The following DNM1L variants were observed in gnomAD, a reference collection of about 807,000 sequenced individuals.
The protein encoded by DNM1L is dynamin-1-like protein.
Under a neutral mutation model 92.8 loss-of-function variants are expected in DNM1L, and 33 were observed. The ratio of observed to expected loss-of-function variants is 0.36; its 90% confidence interval spans 0.27 to 0.48. The LOEUF (loss-of-function observed/expected upper bound fraction) is 0.48. Among genes scored for constraint, DNM1L ranks in the 20% least tolerant of loss-of-function variants. The pLI is 0.99. For synonymous variants in DNM1L, 284 were observed against 305.0 expected (o/e 0.93, Z 0.72); for missense variants, 485 against 888.8 (o/e 0.55, Z 5.78).
intron 1 of DNM1L, among the ~76,000 whole-genome samples, chr12:32,682,342 G>A (rs749472883): frequency 3.3e-5 from 5 of 152,114 alleles, no homozygotes; most frequent in Non-Finnish European, 7.3e-5. Context: ...ATGTTGGTCA[G>A]GCTGGTATCC....
At chr12:32,691,030 A>G (rs1440855287) in intron 1 of DNM1L, among the ~76,000 whole-genome samples, 1 of 152,190 alleles carries the variant, frequency 6.6e-6, no homozygotes, top group Non-Finnish European at 1.5e-5. Context: ...AATGTCACAG[A>G]CTGGGTAGCT....
chr12:32,679,348 C>T lies in DNM1L; in HGVS notation c.-16C>T, dbSNP rs374067166. Reference sequence around the variant, plus strand: ...GCCGTGGCCGGCGGGCACTGGGGCCCCGTGTTTTCAGAGTCATGGAGGCGC... The same window carrying T: ...GCCGTGGCCGGCGGGCACTGGGGCCTCGTGTTTTCAGAGTCATGGAGGCGC... On this transcript the variant is annotated 5_prime_UTR_variant, in exon 1 of 20. Coordinates refer to ENST00000549701, the MANE Select transcript of DNM1L (RefSeq NM_012062.5). 17 of 1,603,538 alleles carry T rather than the reference C, an allele frequency of 1.1e-5. No homozygotes were observed. The highest frequency in any genetic ancestry group is 1.5e-5 in the Non-Finnish European group (17 of 1,171,834).
intron 2 of DNM1L, chr12:32,706,869 T>TGACACA: frequency 3.0e-6 from 1 of 338,560 alleles, no homozygotes. Flanking sequence ...GCTGTTTCAT[T>TGACACA]GACACATTGT....
intron 1 of DNM1L, chr12:32,692,965 T>C (rs1952290250): frequency 6.6e-6 from 1 of 152,346 alleles, no homozygotes; most frequent in East Asian, 1.9e-4. Context: ...GAAATTTGTG[T>C]GTTCCCCAGT....
chr12:32,715,248 T>G (rs1433362251), intron 6 of DNM1L, among the ~76,000 whole-genome samples: 1 of 151,964 alleles, frequency 6.6e-6, no homozygotes, highest in African/African-American at 2.4e-5. Context: ...AGTGAGCCAC[T>G]GCACCTGGTT....
chr12:32,689,001 T>G (rs1952131020), intron 1 of DNM1L, among the ~76,000 whole-genome samples: 1 of 152,186 alleles, frequency 6.6e-6, no homozygotes, highest in Admixed American at 6.5e-5. Flanking sequence ...GGTTGAGGGC[T>G]GTAGTTCACT....
At chr12:32,739,151 T>C (rs183842308) in intron 16 of DNM1L, among the ~76,000 whole-genome samples, 1,533 of 148,262 alleles carry the variant, frequency 0.01, 32 homozygotes, top group African/African-American at 0.035. Flanking sequence ...ACTGACATAC[T>C]AAAGACAGAT....
intron 13 of DNM1L, among the ~76,000 whole-genome samples, chr12:32,734,467 C>T (rs1026664173): frequency 2.0e-5 from 3 of 152,158 alleles, no homozygotes; most frequent in African/African-American, 7.2e-5. Context: ...ACATGCAATT[C>T]AGAAGCTGGA....
At chr12:32,684,360 A>G (rs1951913712) in intron 1 of DNM1L, among the ~76,000 whole-genome samples, 1 of 152,238 alleles carries the variant, frequency 6.6e-6, no homozygotes, top group African/African-American at 2.4e-5. Flanking sequence ...ATCACTGGCA[A>G]CCACTAATCT....
intron 1 of DNM1L, among the ~76,000 whole-genome samples, chr12:32,699,001 T>C (rs61278210): frequency 0.15 from 23,286 of 151,562 alleles, 1,872 homozygotes; most frequent in Middle Eastern, 0.21. Context: ...GCCTGAATGG[T>C]AGAATGAGAC....
At position 32,745,009 on chromosome 12, in the gene DNM1L, T is replaced by A. The variant is rs759806637; in HGVS notation, c.*1599T>A. 1 of 516,514 alleles carries A rather than the reference T, an allele frequency of 1.9e-6. No individual in the cohort carries two copies. The highest frequency in any genetic ancestry group is 3.9e-6 in the Non-Finnish European group (1 of 259,342). 32.0% of individuals were successfully genotyped at this position (516,514 alleles called of 1,614,324 possible). A position where few individuals can be genotyped will look rare whatever the true frequency, so the allele number is the denominator to read the frequency against. On this transcript the variant is annotated 3_prime_UTR_variant, in exon 20 of 20. Transcript: ENST00000549701. ...ACTATTGGCAGGGAAAATATGAATA[T>A]GTTAACTTTAGCTTATGGCATCAAT...
chr12:32,745,272 A>T lies in DNM1L; in HGVS notation c.*1862A>T. On this transcript the variant is annotated 3_prime_UTR_variant, in exon 20 of 20. Coordinates refer to ENST00000549701, the MANE Select transcript of DNM1L (RefSeq NM_012062.5). ...TGACTATCATTATTCTAGTCCTTTG[A>T]ATTTGTAAGGGGAAAAAAAACAAAA... 1 of 220,878 alleles carries T rather than the reference A, an allele frequency of 4.5e-6. No homozygotes were observed. Among genetic ancestry groups the T allele is most frequent in the Non-Finnish European group, 9.0e-6 (1 of 111,134 alleles). 13.7% of individuals were successfully genotyped at this position (220,878 alleles called of 1,614,324 possible).
intron 9 of DNM1L, chr12:32,726,709 G>A: frequency 1.6e-6 from 1 of 640,628 alleles, no homozygotes; most frequent in Non-Finnish European, 2.8e-6. Context: ...ATTGTCCCAT[G>A]TCCCTAGTGT....
intron 9 of DNM1L, chr12:32,726,287 T>C (rs866049490): frequency 2.8e-6 from 3 of 1,077,982 alleles, no homozygotes; most frequent in South Asian, 2.6e-5. Flanking sequence ...TTACCCAGTC[T>C]ACCAAGAAAA....
chr12:32,695,704 T>G (rs1321248409), intron 1 of DNM1L, among the ~76,000 whole-genome samples: 1 of 151,968 alleles, frequency 6.6e-6, no homozygotes, highest in Admixed American at 6.6e-5. Context: ...CTGGGAAGGT[T>G]GAGGCTGCAG....
intron 2 of DNM1L, among the ~76,000 whole-genome samples, chr12:32,703,010 A>T (rs1182897989): frequency 6.6e-6 from 1 of 151,774 alleles, no homozygotes; most frequent in Non-Finnish European, 1.5e-5. Context: ...AACATCTGAA[A>T]CTAAGACCTT....
Position 32,679,379 on chromosome 12 carries a change from C to T in DNM1L, c.16C>T (p.Pro6Ser), listed in dbSNP as rs1198426789. 2.5e-6 allele frequency: 4 copies of T among 1,613,664 alleles called. No individual in the cohort carries two copies. The highest frequency in any genetic ancestry group is 3.4e-6 in the Non-Finnish European group (4 of 1,179,764). ...TTTCAGAGTCATGGAGGCGCTAATT[C>T]CTGTCATAAACAAGCTCCAGGACGT... Reference protein sequence around the residue: MEALIPVINKLQDVFN... With the variant: MEALISVINKLQDVFN... Residue 6 changes from proline (P) to serine (S), a missense_variant, in exon 1 of 20, where the codon CCT becomes TCT. Around this residue, in one of 11 missense-constraint regions of DNM1L, gnomAD observed 19 missense variants for 16.1 expected, o/e 1.18. Transcript: ENST00000549701.
chr12:32,713,168 T>C, intron 5 of DNM1L, 41 bp from the exon 6 acceptor site: 1 of 1,610,960 alleles, frequency 6.2e-7, no homozygotes, highest in Non-Finnish European at 8.5e-7. Flanking sequence ...GCTGAGTTGA[T>C]TTTTAATTAT....
At chr12:32,723,528 T>C (rs1402425178) in intron 9 of DNM1L, among the ~76,000 whole-genome samples, 1 of 151,788 alleles carries the variant, frequency 6.6e-6, no homozygotes, top group African/African-American at 2.4e-5. Flanking sequence ...ACCCCATCTC[T>C]ACTAAAAATA....
Sources: allele counts gnomAD v4.1 joint callset (sites outside exome capture counted in the v4.1 genomes callset), GRCh38; gene constraint gnomAD v4.1.1; regional missense constraint gnomAD v4.1.1; transcripts MANE v1.5; gene names NCBI Gene and HGNC (gene_info 2026-07-23, HGNC 2026-07-21).